Variants in CCDC32 observed in about 807,000 individuals in gnomAD.
CCDC32 encodes coiled-coil domain containing 32.
A neutral mutation model predicts 20.1 loss-of-function variants in CCDC32; 9 were observed. That is an observed-to-expected ratio of 0.45 (90% CI 0.27 to 0.78). CCDC32 has a LOEUF of 0.78. CCDC32 is among the 30% of genes least tolerant of loss of function. The probability of loss-of-function intolerance (pLI) is 0.16; values close to 1 mark genes in which losing one functional copy is unlikely to be tolerated. For missense variants in CCDC32, 204 were observed against 215.5 expected, an observed-to-expected ratio of 0.95 and a Z score of 0.33; for synonymous variants, 63 against 79.0, an observed-to-expected ratio of 0.80 and a Z score of 1.07.
chr15:40,531,075 C>T (rs2141596447), downstream of CCDC32, among the ~76,000 whole-genome samples: 1 of 151,476 alleles, frequency 6.6e-6, no homozygotes, highest in East Asian at 1.9e-4. Context: ...TGAAGTGTTC[C>T]ATATTTTTTA....
chr15:40,554,059 T>A lies in CCDC32; in HGVS notation c.470A>T (p.Tyr157Phe). Residue 157 changes from tyrosine to phenylalanine, a missense_variant, in exon 4 of 4, where the codon TAT becomes TTT. Coordinates refer to ENST00000416810, the MANE Select transcript of CCDC32 (RefSeq NM_001080792.4). ...AACCTGTGACTCTGGAGGAATCAGA[T>A]ACTGGACCTCCTCTGTGCTGACGGC... ...KVAVSTEEVQ[Y>F]LIPPESQVEK... The A allele has an allele frequency of 6.2e-7, 1 of 1,614,006 alleles. No homozygotes were observed. The highest frequency in any genetic ancestry group is 8.5e-7 in the Non-Finnish European group (1 of 1,180,012).
intron 3 of CCDC32, among the ~76,000 whole-genome samples, chr15:40,544,368 A>T (rs546699780): frequency 6.6e-6 from 1 of 151,984 alleles, no homozygotes; most frequent in Non-Finnish European, 1.5e-5. Context: ...ATGCAGTACC[A>T]CGCCAGGCTA....
At chr15:40,542,155 G>A (rs1010108431) in intron 3 of CCDC32, among the ~76,000 whole-genome samples, 3 of 152,222 alleles carry the variant, frequency 2.0e-5, no homozygotes, top group Non-Finnish European at 4.4e-5. Flanking sequence ...CACACCTCCA[G>A]TGACAGGGAA....
the CCDC32 span, among the ~76,000 whole-genome samples, chr15:40,522,772 C>T: frequency 1.3e-5 from 2 of 151,442 alleles, no homozygotes; most frequent in South Asian, 2.1e-4. Context: ...CTTTGCAGTA[C>T]GGACAGTTGC....
intron 3 of CCDC32, among the ~76,000 whole-genome samples, chr15:40,540,347 A>G (rs1889333582): frequency 6.7e-6 from 1 of 149,144 alleles, no homozygotes; most frequent in Non-Finnish European, 1.5e-5. Context: ...CGTTCTTCTT[A>G]GCATTTTTTT....
In CCDC32 at chr15:40,547,619, CAAG is replaced by C. The variant is rs199916642; in HGVS notation, c.402-8267_402-8265del. On this transcript the variant is annotated intron_variant, in intron 3 of 3. Transcript: ENST00000558113. Reference sequence around the variant, plus strand: ...CAGGAGCAATGGGTCTTTGCCTGTTCAAGAAGGGCAAGAAGGTTTTGACACCTC... The same window carrying C: ...CAGGAGCAATGGGTCTTTGCCTGTTCAAGGGCAAGAAGGTTTTGACACCTC... Among the ~76,000 whole-genome samples the C allele has an allele frequency of 6.4e-3, 975 of 152,248 alleles. 12 individuals carry two copies. The highest frequency in any genetic ancestry group is 0.022 in the African/African-American group (923 of 41,530).
At chr15:40,559,055 C>T (rs188481319) in intron 2 of CCDC32, among the ~76,000 whole-genome samples, 129 of 151,710 alleles carry the variant, frequency 8.5e-4, no homozygotes, top group African/African-American at 3.0e-3. Flanking sequence ...CTGCCTGCCT[C>T]GGCCTCCCAA....
chr15:40,535,623 G>GA (rs1013057869), downstream of CCDC32: 18 of 976,212 alleles, frequency 1.8e-5, no homozygotes, highest in Non-Finnish European at 2.2e-5. Context: ...AAAAAAAAAA[G>GA]AAAAAAAATA....
At chr15:40,561,127 C>T (rs916865895) in intron 2 of CCDC32, among the ~76,000 whole-genome samples, 5 of 152,130 alleles carry the variant, frequency 3.3e-5, no homozygotes, top group South Asian at 2.1e-4. Context: ...AACAAAATGC[C>T]ATACGTTCTC....
At chr15:40,533,034 A>G (rs1888952223), downstream of CCDC32, among the ~76,000 whole-genome samples, 1 of 151,998 alleles carries the variant, frequency 6.6e-6, no homozygotes, top group East Asian at 1.9e-4. Context: ...CATAATTTCT[A>G]TTCTCCTGTT....
Position 40,558,583 on chromosome 15 carries a change from T to C in CCDC32, c.245-1211A>G, listed in dbSNP as rs79326251. On this transcript the variant is annotated intron_variant, in intron 2 of 3. Coordinates refer to ENST00000416810, the MANE Select transcript of CCDC32 (RefSeq NM_001080792.4). The stretch of plus-strand genomic sequence containing the variant: ...AAGGTCTTCCTCTCTCTAAGTATGC[T>C]GAGTCCCTGGTCAGGTGTGATTTCA... Among the ~76,000 whole-genome samples, 209 of 152,210 alleles carry C rather than the reference T, an allele frequency of 1.4e-3. 1 individual carries two copies. The East Asian group carries it at 0.025, about 18-fold the overall frequency.
intron 3 of CCDC32, chr15:40,556,592 C>T (rs1890252462): frequency 6.6e-6 from 1 of 152,234 alleles, no homozygotes; most frequent in East Asian, 1.9e-4. Flanking sequence ...AATCCCAGCA[C>T]TTTGTGAGGC....
exon 4 of CCDC32, chr15:40,539,304 C>T (rs571059209): frequency 4.3e-5 from 66 of 1,535,622 alleles, no homozygotes; most frequent in Non-Finnish European, 5.4e-5. Flanking sequence ...GGCTGTCCCA[C>T]GCTCCATCCT....
At chr15:40,533,157 T>TGCCCCAG (rs1356607372), downstream of CCDC32, among the ~76,000 whole-genome samples, 2 of 152,194 alleles carry the variant, frequency 1.3e-5, no homozygotes, top group African/African-American at 4.8e-5. Context: ...GATCCTGCTA[T>TGCCCCAG]GCCCCAGGCT....
intron 3 of CCDC32, among the ~76,000 whole-genome samples, chr15:40,554,595 A>G (rs1402728248): frequency 6.6e-6 from 1 of 152,140 alleles, no homozygotes; most frequent in Admixed American, 6.5e-5. Flanking sequence ...ACTTACTTGC[A>G]CTAAGTGATT....
intron 2 of CCDC32, among the ~76,000 whole-genome samples, chr15:40,559,088 C>T (rs926417011): frequency 4.0e-5 from 6 of 150,656 alleles, no homozygotes; most frequent in African/African-American, 7.3e-5. Flanking sequence ...CTTTCTCTTC[C>T]TTCCTCTCTC....
At chr15:40,549,472 G>T (rs998065439), downstream of CCDC32, among the ~76,000 whole-genome samples, 1 of 151,966 alleles carries the variant, frequency 6.6e-6, no homozygotes, top group African/African-American at 2.4e-5. Context: ...CCCTAACACG[G>T]CCTCTCTCCT....
chr15:40,522,809 A>G, the CCDC32 span, among the ~76,000 whole-genome samples: 2 of 146,552 alleles, frequency 1.4e-5, no homozygotes, highest in Non-Finnish European at 3.0e-5. Flanking sequence ...GTGCTGCCAC[A>G]GGTTTCTGGT....
downstream of CCDC32, among the ~76,000 whole-genome samples, chr15:40,551,950 C>T (rs947855185): frequency 3.3e-5 from 5 of 151,626 alleles, no homozygotes; most frequent in African/African-American, 4.9e-5. Context: ...CCCAGAGGTT[C>T]GAGACTAACC....
Sources: gnomAD v4.1 joint callset for allele counts (sites outside exome capture counted in the v4.1 genomes callset) on GRCh38, gnomAD v4.1.1 for gene constraint, MANE v1.5 for transcripts, NCBI Gene and HGNC (gene_info 2026-07-23, HGNC 2026-07-21) for gene names.